TUSC3: variants seen among roughly 807,000 people sequenced by gnomAD.
TUSC3 encodes the protein tumor suppressor candidate 3, also known as dolichyl-diphosphooligosaccharide--protein glycosyltransferase subunit TUSC3.
In TUSC3, 45 loss-of-function variants were observed where a neutral mutation model predicts 44.8. The observed-to-expected ratio is 1.00, with a 90% CI of 0.79 to 1.29. The LOEUF is 1.29. TUSC3 is among the 50% of genes most tolerant of loss of function. The probability of loss-of-function intolerance (pLI) is 0.00; values close to 1 mark genes in which losing one functional copy is unlikely to be tolerated. For missense variants in TUSC3, 519 were observed against 437.9 expected (o/e 1.19, Z -1.65); for synonymous variants, 212 against 152.9 (o/e 1.39, Z -2.85).
At chr8:15,696,316 T>G (rs1202928679) in intron 6 of TUSC3, among the ~76,000 whole-genome samples, 1 of 152,130 alleles carries the variant, frequency 6.6e-6, no homozygotes, top group African/African-American at 2.4e-5. Context: ...GCTCCAAGCC[T>G]TGGCAGCTTC....
Position 15,494,452 on chromosome 8 carries a change from G to C in TUSC3, n.189+10969G>C, listed in dbSNP as rs192432443. ...GCTGCCTCAGCCTCCGGAGTAGCTG[G>C]GACTACAGGCGCATGCCACCATGCC... is the stretch of plus-strand genomic sequence containing the variant. On this transcript the variant is annotated intron_variant and non_coding_transcript_variant, in intron 2 of 5. Transcript: ENST00000503191. Among the ~76,000 whole-genome samples, 457 of 151,958 alleles carry C rather than the reference G, an allele frequency of 3.0e-3. 3 individuals carry two copies. The highest frequency in any genetic ancestry group is 0.011 in the African/African-American group (438 of 41,446).
chr8:15,614,786 G>A (rs755634816), intron 1 of TUSC3, among the ~76,000 whole-genome samples: 17 of 151,696 alleles, frequency 1.1e-4, no homozygotes, highest in Admixed American at 2.0e-4. Context: ...GTGAAATGCC[G>A]GATTATTATT....
At chr8:15,836,676 C>T in the TUSC3 span, among the ~76,000 whole-genome samples, 2 of 152,044 alleles carry the variant, frequency 1.3e-5, no homozygotes, top group Admixed American at 1.3e-4. Flanking sequence ...TATCTATCTT[C>T]CTTCCACTTA....
chr8:15,423,747 T>G (rs1265656886), intron 1 of TUSC3, among the ~76,000 whole-genome samples: 1 of 152,046 alleles, frequency 6.6e-6, no homozygotes, highest in Non-Finnish European at 1.5e-5. Context: ...ACCTTTACTC[T>G]CATTCTGAAG....
chr8:15,423,696 G>A (rs920443615), intron 1 of TUSC3, among the ~76,000 whole-genome samples: 2 of 152,128 alleles, frequency 1.3e-5, no homozygotes, highest in African/African-American at 2.4e-5. Flanking sequence ...CTAAAGCGGG[G>A]AGAGTGGGCT....
intron 1 of TUSC3, among the ~76,000 whole-genome samples, chr8:15,574,155 C>G (rs958227568): frequency 2.0e-5 from 3 of 152,108 alleles, no homozygotes; most frequent in African/African-American, 7.2e-5. Context: ...TTCACAGTCA[C>G]CTGTTAGTGT....
At chr8:15,808,711 T>C in the TUSC3 span, among the ~76,000 whole-genome samples, 3 of 152,104 alleles carry the variant, frequency 2.0e-5, no homozygotes, top group Non-Finnish European at 4.4e-5. Context: ...TTCTCCATTT[T>C]TGACAATTTC....
At chr8:15,695,148 A>T (rs1809106433) in intron 6 of TUSC3, among the ~76,000 whole-genome samples, 1 of 152,184 alleles carries the variant, frequency 6.6e-6, no homozygotes, top group African/African-American at 2.4e-5. Flanking sequence ...GAAGGCATGC[A>T]GTTAGCACCA....
the TUSC3 span, among the ~76,000 whole-genome samples, chr8:15,829,414 A>G: frequency 0.012 from 1,763 of 152,180 alleles, 47 homozygotes; most frequent in African/African-American, 0.04. Context: ...TCCTTACCTA[A>G]ACATGTATTA....
intron 2 of TUSC3, among the ~76,000 whole-genome samples, chr8:15,531,961 T>C (rs1801456677): frequency 6.6e-6 from 1 of 152,226 alleles, no homozygotes; most frequent in Non-Finnish European, 1.5e-5. Context: ...GAAATTATTT[T>C]ATTTCAGGTA....
the TUSC3 span, among the ~76,000 whole-genome samples, chr8:15,778,618 T>G: frequency 6.6e-6 from 1 of 152,324 alleles, no homozygotes; most frequent in East Asian, 1.9e-4. Context: ...GGCAGGGCCA[T>G]AATTCATGAT....
chr8:15,547,966 T>G (rs1206192592), intron 1 of TUSC3, among the ~76,000 whole-genome samples: 1 of 151,728 alleles, frequency 6.6e-6, no homozygotes, highest in South Asian at 2.1e-4. Context: ...TTTCTGTTAT[T>G]TTTAACTTTA....
rs1396557525 is a variant in TUSC3 at position 15,523,648 on chromosome 8, ATATATATATATATATATGTGTGTGTG to A, written n.189+40167_189+40192del. 8.6e-4 allele frequency among the ~76,000 whole-genome samples: 5 copies of A among 5,800 alleles called. 1 individual carries two copies. The highest frequency in any genetic ancestry group is 3.8e-3 in the East Asian group (1 of 266). 3.8% of individuals were successfully genotyped at this position (5,800 alleles called of 152,430 possible). Reference sequence around the variant, plus strand: ...AAAAATCCTTTAAAAACATATATATATATATATATATATATATGTGTGTGTGTGTGTGTGTGTGTGTGTGTGTGTGT... The same window carrying A: ...AAAAATCCTTTAAAAACATATATATATGTGTGTGTGTGTGTGTGTGTGTGT... On this transcript the variant is annotated intron_variant and non_coding_transcript_variant, in intron 2 of 5. Transcript: ENST00000503191.
chr8:15,484,480 A>G (rs1439655356), intron 2 of TUSC3, among the ~76,000 whole-genome samples: 1 of 152,246 alleles, frequency 6.6e-6, no homozygotes, highest in Non-Finnish European at 1.5e-5. Flanking sequence ...GACATAGAGC[A>G]AGTACGAAAT....
chr8:15,655,138 T>G (rs116181439), intron 3 of TUSC3, among the ~76,000 whole-genome samples: 2,938 of 152,254 alleles, frequency 0.019, 41 homozygotes, highest in Middle Eastern at 0.037. Flanking sequence ...ATCAGGTGGT[T>G]GTTAAACTGT....
chr8:15,578,788 T>A, intron 1 of TUSC3, among the ~76,000 whole-genome samples: 1 of 152,146 alleles, frequency 6.6e-6, no homozygotes, highest in Non-Finnish European at 1.5e-5. Flanking sequence ...TTTTTTGTTG[T>A]GTCTCTGCCT....
intron 6 of TUSC3, among the ~76,000 whole-genome samples, chr8:15,717,851 G>T (rs764151839): frequency 5.3e-5 from 8 of 151,952 alleles, no homozygotes; most frequent in African/African-American, 1.9e-4. Context: ...TAACTCAAGC[G>T]CAGATTCACA....
At chr8:15,793,855 G>A in the TUSC3 span, among the ~76,000 whole-genome samples, 2 of 152,162 alleles carry the variant, frequency 1.3e-5, no homozygotes, top group Non-Finnish European at 2.9e-5. Context: ...ATCATGGGAA[G>A]GAACATTTCA....
intron 1 of TUSC3, among the ~76,000 whole-genome samples, chr8:15,576,495 T>C (rs1229806050): frequency 8.2e-6 from 1 of 122,194 alleles, no homozygotes; most frequent in African/African-American, 3.1e-5. Context: ...CAGAGTGTGA[T>C]ATTCCCCTTC....
Sources: gnomAD v4.1 joint callset for allele counts (sites outside exome capture counted in the v4.1 genomes callset) on GRCh38, gnomAD v4.1.1 for gene constraint, MANE v1.5 for transcripts, NCBI Gene and HGNC (gene_info 2026-07-23, HGNC 2026-07-21) for gene names.